Variants in CRB1 observed in about 807,000 individuals in gnomAD.
CRB1 encodes the protein protein crumbs homolog 1.
A neutral mutation model predicts 120.0 loss-of-function variants in CRB1; 83 were observed. That is an observed-to-expected ratio of 0.69 (90% CI 0.58 to 0.83). The LOEUF is 0.83. Among genes scored for constraint, CRB1 ranks in the 40% least tolerant of loss-of-function variants. CRB1 has a pLI of 0.00. For missense variants in CRB1, 1,699 were observed against 1,687.6 expected, an observed-to-expected ratio of 1.01 and a Z score of -0.12; for synonymous variants, 625 against 612.5, an observed-to-expected ratio of 1.02 and a Z score of -0.30.
chr1:197,290,944 C>A (rs1656139913), intron 1 of CRB1, among the ~76,000 whole-genome samples: 1 of 151,716 alleles, frequency 6.6e-6, no homozygotes. Context: ...GAGCTCTAAT[C>A]AAGAAAGAAT....
chr1:197,306,313 C>CTTCTGTTT (rs1451005255), intron 1 of CRB1, among the ~76,000 whole-genome samples: 3 of 152,128 alleles, frequency 2.0e-5, no homozygotes, highest in African/African-American at 7.2e-5. Context: ...GTCGTGAAAA[C>CTTCTGTTT]AGTCCAGCCA....
intron 1 of CRB1, among the ~76,000 whole-genome samples, chr1:197,283,315 A>G (rs1018485751): frequency 9.3e-5 from 14 of 150,886 alleles, no homozygotes; most frequent in African/African-American, 3.4e-4. Flanking sequence ...TTTAGTGGTG[A>G]TTGTGAGATT....
At chr1:197,292,942 C>T (rs1310363573) in intron 1 of CRB1, among the ~76,000 whole-genome samples, 1 of 152,066 alleles carries the variant, frequency 6.6e-6, no homozygotes, top group African/African-American at 2.4e-5. Flanking sequence ...ATGACAAACC[C>T]ACAGCCAATA....
intron 1 of CRB1, among the ~76,000 whole-genome samples, chr1:197,275,262 G>A (rs1318979488): frequency 6.6e-6 from 1 of 151,952 alleles, no homozygotes; most frequent in Non-Finnish European, 1.5e-5. Context: ...AGGTACTGAG[G>A]GTTAGGACTC....
chr1:197,313,719 C>G (rs1459169149), intron 1 of CRB1, among the ~76,000 whole-genome samples: 3 of 152,082 alleles, frequency 2.0e-5, no homozygotes, highest in Non-Finnish European at 4.4e-5. Context: ...CTGTGCCTGG[C>G]TTCTTTCACT....
At chr1:197,463,958 A>G (rs1353580517) in intron 11 of CRB1, among the ~76,000 whole-genome samples, 2 of 152,194 alleles carry the variant, frequency 1.3e-5, no homozygotes, top group Non-Finnish European at 2.9e-5. Context: ...GAACCCTAAC[A>G]AATAGCAGCA....
At chr1:197,456,229 A>G (rs1317715579) in intron 11 of CRB1, among the ~76,000 whole-genome samples, 2 of 152,118 alleles carry the variant, frequency 1.3e-5, no homozygotes, top group East Asian at 3.8e-4. Flanking sequence ...AGAACTCAGG[A>G]AAAAAATTAT....
rs1571830504 is a variant in CRB1, at chr1:197,318,919, G to T, written c.71-9503G>T. On this transcript the variant is annotated intron_variant, in intron 1 of 11. Coordinates refer to ENST00000367400, the MANE Select transcript of CRB1 (RefSeq NM_201253.3). ...ACAGGAGGATAAGTTCTGGTGTTCT[G>T]TTGAATAGCAGGATGACTAGAGTTA... Among the ~76,000 whole-genome samples, 3 of 152,194 alleles carry T rather than the reference G, an allele frequency of 2.0e-5. No individual in the cohort carries two copies. The South Asian group carries it at 6.2e-4, about 32-fold the overall frequency.
At chr1:197,230,242 C>T in the CRB1 span, among the ~76,000 whole-genome samples, 1 of 152,124 alleles carries the variant, frequency 6.6e-6, no homozygotes, top group African/African-American at 2.4e-5. Context: ...AGAATTATTG[C>T]ATTGAATTAG....
intron 11 of CRB1, among the ~76,000 whole-genome samples, chr1:197,453,772 A>C (rs28802643): frequency 0.8 from 114,451 of 142,678 alleles, 46,351 homozygotes; most frequent in East Asian, 0.9. Flanking sequence ...TCTTCTTCTT[A>C]TTATTATTAT....
rs36091967 is a variant in CRB1 at position 197,473,618 on chromosome 1, G to GAA, written c.4006-4035_4006-4034dup. Among the ~76,000 whole-genome samples the GAA allele has an allele frequency of 5.0e-3, 730 of 145,102 alleles. 12 individuals are homozygous for GAA. In the East Asian group the frequency reaches 0.057, roughly 11 times the overall value. On this transcript the variant is annotated intron_variant, in intron 11 of 11. Transcript: ENST00000367400. ...GCAGATAGCAGCATGTCATTTTTCA[G>GAA]AAAAAAAAAAAACAATTCTACATTA...
At chr1:197,319,638 G>A (rs1264845708) in intron 1 of CRB1, among the ~76,000 whole-genome samples, 1 of 151,804 alleles carries the variant, frequency 6.6e-6, no homozygotes, top group Admixed American at 6.6e-5. Flanking sequence ...TCAGTTTATT[G>A]CTTGTAATGT....
intron 1 of CRB1, among the ~76,000 whole-genome samples, chr1:197,275,427 G>A (rs941855913): frequency 6.6e-6 from 1 of 152,018 alleles, no homozygotes; most frequent in African/African-American, 2.4e-5. Context: ...GTAAATATTT[G>A]TGGAGTAAAT....
At chr1:197,332,006 C>T (rs1449757479) in intron 2 of CRB1, among the ~76,000 whole-genome samples, 1 of 151,912 alleles carries the variant, frequency 6.6e-6, no homozygotes, top group Non-Finnish European at 1.5e-5. Context: ...AACCACATCT[C>T]TACTAAAAAT....
chr1:197,362,578 C>T (rs1660829240), intron 5 of CRB1, among the ~76,000 whole-genome samples: 1 of 152,010 alleles, frequency 6.6e-6, no homozygotes. Context: ...CATTTAGGGT[C>T]ATTATGTCTT....
the CRB1 span, among the ~76,000 whole-genome samples, chr1:197,209,816 A>G: frequency 2.0e-4 from 31 of 152,202 alleles, no homozygotes; most frequent in Non-Finnish European, 3.7e-4. Flanking sequence ...AGCTCCAGGT[A>G]AGTCCAAATC....
chr1:197,277,041 G>C (rs898712339), intron 1 of CRB1, among the ~76,000 whole-genome samples: 2 of 151,882 alleles, frequency 1.3e-5, no homozygotes, highest in African/African-American at 2.4e-5. Flanking sequence ...AATCAGCCAC[G>C]GTGGAAGTAA....
At chr1:197,426,258 A>T (rs1216540582) in intron 6 of CRB1, among the ~76,000 whole-genome samples, 1 of 151,948 alleles carries the variant, frequency 6.6e-6, no homozygotes, top group East Asian at 1.9e-4. Context: ...GATCCAAGCC[A>T]TTATCATTTC....
rs773946688 is a variant in CRB1, at chr1:197,347,431, G to T, written c.940G>T (p.Ala314Ser). The change falls in exon 4 of 12, where the codon GCT (alanine) becomes TCT (serine). Residue 314 changes from alanine (A) to serine (S), a missense_variant. By Grantham distance (99) the Ala-to-Ser change is moderately conservative. Transcript: ENST00000367400. Reference sequence around the variant, plus strand: ...TTGGTCAAAACCTTGTCACAATAATGCTACATGTGAGGACAGTGTTGACAA... The same window carrying T: ...TTGGTCAAAACCTTGTCACAATAATTCTACATGTGAGGACAGTGTTGACAA... ...LCWSKPCHNN[A>S]TCEDSVDNYT... 10 of 1,613,950 alleles carry T rather than the reference G, an allele frequency of 6.2e-6. No homozygotes were observed. Among genetic ancestry groups the T allele is most frequent in the Non-Finnish European group, 7.6e-6 (9 of 1,179,934 alleles).
Sources: gnomAD v4.1 joint callset for allele counts (sites outside exome capture counted in the v4.1 genomes callset) on GRCh38, gnomAD v4.1.1 for gene constraint, MANE v1.5 for transcripts, NCBI Gene and HGNC (gene_info 2026-07-23, HGNC 2026-07-21) for gene names.